SLC44A5: variants seen among roughly 807,000 people sequenced by gnomAD.
SLC44A5 encodes solute carrier family 44 member 5, also known as choline transporter-like protein 5.
In SLC44A5, 57 loss-of-function variants were observed where a neutral mutation model predicts 101.8. That is an observed-to-expected ratio of 0.56 (90% CI 0.45 to 0.70). The LOEUF is 0.70. SLC44A5 is among the 30% of genes least tolerant of loss of function. The probability of loss-of-function intolerance (pLI) is 0.00; values close to 1 mark genes in which losing one functional copy is unlikely to be tolerated. For synonymous variants in SLC44A5, 281 were observed against 290.9 expected, an observed-to-expected ratio of 0.97 and a Z score of 0.35; for missense variants, 737 against 853.1, an observed-to-expected ratio of 0.86 and a Z score of 1.70.
At chr1:75,288,152 T>C (rs1185042734) in intron 5 of SLC44A5, among the ~76,000 whole-genome samples, 3 of 152,232 alleles carry the variant, frequency 2.0e-5, no homozygotes, top group Admixed American at 6.5e-5. Flanking sequence ...CATCTTTCTT[T>C]TTTCAAATTA....
the SLC44A5 span, among the ~76,000 whole-genome samples, chr1:75,664,452 A>G: frequency 2.9e-4 from 44 of 152,310 alleles, no homozygotes; most frequent in East Asian, 5.8e-3. Flanking sequence ...CTAATAAAAG[A>G]CTTCAGTAAA....
At chr1:75,599,039 G>A (rs187976735) in intron 1 of SLC44A5, among the ~76,000 whole-genome samples, 30 of 152,114 alleles carry the variant, frequency 2.0e-4, no homozygotes, top group Non-Finnish European at 3.5e-4. Flanking sequence ...TAATGCAATT[G>A]AATATTACCA....
the SLC44A5 span, among the ~76,000 whole-genome samples, chr1:75,641,125 A>T: frequency 6.6e-6 from 1 of 152,238 alleles, no homozygotes; most frequent in Non-Finnish European, 1.5e-5. Context: ...TTGCCCAGAG[A>T]TATGACAAGA....
chr1:75,314,653 T>C (rs1655556024), intron 4 of SLC44A5, among the ~76,000 whole-genome samples: 1 of 152,180 alleles, frequency 6.6e-6, no homozygotes, highest in Admixed American at 6.6e-5. Context: ...GTATTTAGAA[T>C]GGTAACTGGG....
chr1:75,513,445 T>C lies in SLC44A5; in HGVS notation c.13+27990A>G, dbSNP rs545403962. On this transcript the variant is annotated intron_variant, in intron 2 of 23. Transcript: ENST00000370859. ...CATAGCTTTACCAATTGGTACTAGA[T>C]AATTGGATGGAATAAACTGCCCTAT... 3.2e-3 allele frequency among the ~76,000 whole-genome samples: 491 copies of C among 152,352 alleles called. 1 individual carries two copies. The highest frequency in any genetic ancestry group is 4.7e-3 in the Non-Finnish European group (317 of 68,032).
chr1:75,311,180 G>A (rs550340380), intron 4 of SLC44A5, among the ~76,000 whole-genome samples: 3 of 151,152 alleles, frequency 2.0e-5, no homozygotes, highest in Non-Finnish European at 2.9e-5. Context: ...GCATTGGCAC[G>A]ATCTCGGCTC....
chr1:75,530,792 T>C (rs1053380104), intron 2 of SLC44A5, among the ~76,000 whole-genome samples: 2 of 152,318 alleles, frequency 1.3e-5, no homozygotes, highest in African/African-American at 2.4e-5. Flanking sequence ...TGAATATTTT[T>C]TCCATACCTG....
intron 2 of SLC44A5, among the ~76,000 whole-genome samples, chr1:75,488,766 G>T (rs1668286493): frequency 6.6e-6 from 1 of 152,136 alleles, no homozygotes; most frequent in African/African-American, 2.4e-5. Flanking sequence ...TGTAGTTATA[G>T]CAATAATTTA....
chr1:75,605,723 C>A (rs1293430597), intron 1 of SLC44A5, among the ~76,000 whole-genome samples: 4 of 151,864 alleles, frequency 2.6e-5, no homozygotes, highest in Non-Finnish European at 5.9e-5. Flanking sequence ...AAAGAGAAAG[C>A]AAAGGCAAAA....
the SLC44A5 span, among the ~76,000 whole-genome samples, chr1:75,631,406 T>C: frequency 6.6e-6 from 1 of 152,082 alleles, no homozygotes; most frequent in Admixed American, 6.6e-5. Flanking sequence ...AGGGTCTCAC[T>C]CTGTCACTTA....
chr1:75,716,092 A>G, the SLC44A5 span, among the ~76,000 whole-genome samples: 1,048 of 152,360 alleles, frequency 6.9e-3, 6 homozygotes, highest in Non-Finnish European at 0.01. Context: ...AGAGAAATGC[A>G]AATCAAAACC....
intron 3 of SLC44A5, among the ~76,000 whole-genome samples, chr1:75,371,091 C>T (rs1660192032): frequency 6.6e-6 from 1 of 152,152 alleles, no homozygotes. Flanking sequence ...GGCTGGACTC[C>T]AGTTTTATCA....
chr1:75,586,601 G>A (rs916504714), intron 1 of SLC44A5, among the ~76,000 whole-genome samples: 1 of 151,630 alleles, frequency 6.6e-6, no homozygotes, highest in Non-Finnish European at 1.5e-5. Flanking sequence ...TTCTCAACAA[G>A]GCCTTAACTG....
chr1:75,330,195 G>A (rs1419482534), intron 4 of SLC44A5, among the ~76,000 whole-genome samples: 1 of 122,488 alleles, frequency 8.2e-6, no homozygotes, highest in Non-Finnish European at 1.7e-5. Flanking sequence ...ATACGTATAT[G>A]CATATATATA....
chr1:75,395,434 C>G (rs533969607), intron 3 of SLC44A5, among the ~76,000 whole-genome samples: 5 of 152,140 alleles, frequency 3.3e-5, no homozygotes, highest in African/African-American at 7.2e-5. Context: ...ACAAAATAGC[C>G]TCTACAAAAG....
intron 5 of SLC44A5, among the ~76,000 whole-genome samples, chr1:75,276,834 G>C (rs998174714): frequency 3.3e-5 from 5 of 152,152 alleles, no homozygotes; most frequent in African/African-American, 7.2e-5. Context: ...ATGTTAATGA[G>C]TGGAATACTG....
At chr1:75,208,439 G>A (rs887298644) in intron 23 of SLC44A5, among the ~76,000 whole-genome samples, 3 of 152,144 alleles carry the variant, frequency 2.0e-5, no homozygotes, top group African/African-American at 7.2e-5. Context: ...GATTACAGGC[G>A]TGAGCCACCA....
chr1:75,698,398 CA>C, the SLC44A5 span, among the ~76,000 whole-genome samples: 1 of 152,156 alleles, frequency 6.6e-6, no homozygotes, highest in African/African-American at 2.4e-5. Context: ...GGCAGACTGA[CA>C]CCTCACACGG....
Position 75,531,951 on chromosome 1 carries a change from C to T in SLC44A5, c.13+9484G>A, listed in dbSNP as rs184371792. ...GAATAGCTAATTTCAGTAATTTGAA[C>T]GTGCTACATGACTAGACCAATAATT... On this transcript the variant is annotated intron_variant, in intron 2 of 23. Coordinates refer to ENST00000370859, the MANE Select transcript of SLC44A5 (RefSeq NM_001130058.2). Among the ~76,000 whole-genome samples the T allele has an allele frequency of 5.3e-5, 8 of 152,280 alleles. No individual in the cohort carries two copies. In the East Asian group the frequency reaches 7.7e-4, roughly 15 times the overall value.
Sources: gnomAD v4.1 joint callset for allele counts (sites outside exome capture counted in the v4.1 genomes callset) on GRCh38, gnomAD v4.1.1 for gene constraint, MANE v1.5 for transcripts, NCBI Gene and HGNC (gene_info 2026-07-23, HGNC 2026-07-21) for gene names.